Variants in TXN observed in about 807,000 individuals in gnomAD.
TXN encodes the protein ADF.
In TXN, 10 loss-of-function variants were observed where a neutral mutation model predicts 16.5. The observed-to-expected ratio is 0.61, with a 90% confidence interval of 0.37 to 1.03. The LOEUF (loss-of-function observed/expected upper bound fraction) is 1.03, where lower values mean the gene tolerates loss of function less well. TXN is among the 50% of genes least tolerant of loss of function. TXN has a pLI of 0.01. For synonymous variants in TXN, 35 were observed against 39.4 expected (o/e 0.89, Z 0.42); for missense variants, 71 against 122.5 (o/e 0.58, Z 1.98).
At chr9:110,245,576 A>ATT (rs1415351051) in intron 3 of TXN, among the ~76,000 whole-genome samples, 5 of 107,032 alleles carry the variant, frequency 4.7e-5, no homozygotes, top group South Asian at 3.5e-4. Context: ...CACCTGGCTA[A>ATT]TTTTGTGTGT....
intron 3 of TXN, among the ~76,000 whole-genome samples, chr9:110,247,365 C>T (rs1467959295): frequency 6.6e-6 from 1 of 151,282 alleles, no homozygotes; most frequent in African/African-American, 2.4e-5. Context: ...GATCAGGGTG[C>T]ACCAAGCAGA....
In TXN at chr9:110,256,382, G is replaced by C. The variant is rs1173959378; in HGVS notation, c.24+30C>G. 7 of 1,594,142 alleles carry C rather than the reference G, an allele frequency of 4.4e-6. No individual in the cohort carries two copies. The South Asian group carries it at 5.6e-5, about 13-fold the overall frequency. On this transcript the variant is annotated intron_variant, in intron 1 of 4. Coordinates refer to ENST00000374517, the MANE Select transcript of TXN (RefSeq NM_003329.4). The surrounding 1 kb of genome is among the most constrained non-coding windows in gnomAD (Gnocchi z 4.2). ...AGTTACAGAGGCCGCGCGCGGCGCC[G>C]GCACCCTGGCCTTCCCCGGTAGCGC...
rs200327890 is a variant in TXN at position 110,245,602 on chromosome 9, T to TATACACACACACACAC, written c.190-760_190-759insGTGTGTGTGTGTGTAT. The stretch of plus-strand genomic sequence containing the variant: ...TTTTGTGTGTGTGTGTGTATATATA[T>TATACACACACACACAC]ACACACACACACACACTATATATAT... On this transcript the variant is annotated intron_variant, in intron 3 of 4. Transcript: ENST00000374517. 5.3e-4 allele frequency among the ~76,000 whole-genome samples: 33 copies of TATACACACACACACAC among 62,498 alleles called. 1 individual carries two copies. The highest frequency in any genetic ancestry group is 1.9e-3 in the African/African-American group (33 of 17,814). 41.0% of individuals were successfully genotyped at this position (62,498 alleles called of 152,430 possible).
chr9:110,244,817 T>C lies in TXN; in HGVS notation c.216A>G (p.Lys72=). The change falls in exon 4 of 5, where the codon AAA becomes AAG. Residue 72 remains lysine (K), a synonymous_variant. Coordinates refer to ENST00000374517, the MANE Select transcript of TXN (RefSeq NM_003329.4). ...CQDVASECEV[K]CMPTFQFFKK... is the part of the protein sequence containing the mutation. ...TAAAAAACTGGAATGTTGGCATGCATTTGACTTCACACTCTGAAGCAACAT... is the reference window on the plus strand; with the variant it reads ...TAAAAAACTGGAATGTTGGCATGCACTTGACTTCACACTCTGAAGCAACAT... 6.2e-7 allele frequency: 1 copy of C among 1,612,994 alleles called. No individual in the cohort carries two copies. The highest frequency in any genetic ancestry group is 8.5e-7 in the Non-Finnish European group (1 of 1,179,190).
chr9:110,249,877 A>G (rs1408498297), intron 3 of TXN, among the ~76,000 whole-genome samples: 1 of 152,220 alleles, frequency 6.6e-6, no homozygotes, highest in Non-Finnish European at 1.5e-5. Flanking sequence ...CTAGTGAGCC[A>G]GGACTGGAAG....
chr9:110,255,029 CTGAT>C (rs1028481413), intron 1 of TXN, among the ~76,000 whole-genome samples: 6 of 152,178 alleles, frequency 3.9e-5, no homozygotes, highest in African/African-American at 7.2e-5. Context: ...TAAGAAAAAA[CTGAT>C]TGAGAGGAAG....
chr9:110,245,635 TATATATATATATATATA>T (rs1375408093), intron 3 of TXN, among the ~76,000 whole-genome samples: 5 of 25,784 alleles, frequency 1.9e-4, no homozygotes, highest in African/African-American at 9.1e-4. Flanking sequence ...TATATATATA[TATATATATATATATATA>T]TATTTTTTTT....
chr9:110,252,237 A>AT (rs1837750149), intron 1 of TXN, among the ~76,000 whole-genome samples: 1 of 151,252 alleles, frequency 6.6e-6, no homozygotes, highest in African/African-American at 2.4e-5. Context: ...AAAAAAAAAA[A>AT]AAAAAAAAGC....
At chr9:110,251,515 C>A in intron 1 of TXN, 53 bp from the exon 2 acceptor site, 1 of 868,276 alleles carries the variant, frequency 1.2e-6, no homozygotes, top group Non-Finnish European at 1.6e-6. Flanking sequence ...ATTAAACCTT[C>A]AAAAGAAAGA....
At chr9:110,245,618 C>CACACTATATATATATATATATA (rs1425530609) in intron 3 of TXN, among the ~76,000 whole-genome samples, 1 of 30,890 alleles carries the variant, frequency 3.2e-5, no homozygotes, top group African/African-American at 1.4e-4. Flanking sequence ...CACACACACA[C>CACACTATATATATATATATATA]TATATATATA....
At chr9:110,250,086 C>A (rs150744348) in intron 3 of TXN, among the ~76,000 whole-genome samples, 173 of 152,378 alleles carry the variant, frequency 1.1e-3, no homozygotes, top group African/African-American at 3.8e-3. Context: ...ATGGGTAGTG[C>A]TTAAGGTCAA....
chr9:110,254,648 T>A (rs1587925734), intron 1 of TXN, among the ~76,000 whole-genome samples: 1 of 152,384 alleles, frequency 6.6e-6, no homozygotes, highest in Non-Finnish European at 1.5e-5. Context: ...GTGCTTTTTT[T>A]AAAGTTCCTG....
At chr9:110,250,774 G>C in intron 3 of TXN, 46 bp downstream of exon 3, 1 of 1,397,718 alleles carries the variant, frequency 7.2e-7, no homozygotes, top group East Asian at 2.3e-5. Context: ...AGAGAAAAAG[G>C]CCAATGTGAA....
At chr9:110,252,021 C>G (rs1444427592) in intron 1 of TXN, among the ~76,000 whole-genome samples, 1 of 151,842 alleles carries the variant, frequency 6.6e-6, no homozygotes, top group Non-Finnish European at 1.5e-5. Flanking sequence ...GTCAGGAGTT[C>G]GAGACCAGCC....
intron 3 of TXN, 91 bp from the exon 4 acceptor site, chr9:110,244,934 C>T: frequency 1.0e-6 from 1 of 977,934 alleles, no homozygotes; most frequent in African/African-American, 1.6e-5. Context: ...GAAACTTTTC[C>T]CTGTCATGTA....
At chr9:110,250,039 GCACCCGATCTA>G (rs1310402574) in intron 3 of TXN, among the ~76,000 whole-genome samples, 2 of 109,428 alleles carry the variant, frequency 1.8e-5, no homozygotes, top group African/African-American at 6.9e-5. Context: ...CATGTGCTAA[GCACCCGATCTA>G]CACCCACAAG....
At chr9:110,247,268 A>G (rs1056540887) in intron 3 of TXN, among the ~76,000 whole-genome samples, 1 of 150,868 alleles carries the variant, frequency 6.6e-6, no homozygotes. Flanking sequence ...GGTTGCAGTG[A>G]GCAGAGATGG....
chr9:110,245,390 C>G (rs1414985261), intron 3 of TXN, among the ~76,000 whole-genome samples: 5 of 151,154 alleles, frequency 3.3e-5, no homozygotes, highest in African/African-American at 1.2e-4. Flanking sequence ...AAAGGAATAA[C>G]CCCACACTGG....
chr9:110,245,123 C>T (rs751387915), intron 3 of TXN: 9 of 270,820 alleles, frequency 3.3e-5, no homozygotes, highest in East Asian at 7.2e-5. Flanking sequence ...TCAGATACTC[C>T]AGCGATCCAA....
Sources: gnomAD v4.1 joint callset for allele counts (sites outside exome capture counted in the v4.1 genomes callset) on GRCh38, gnomAD v4.1.1 for gene constraint, Gnocchi (gnomAD v3.1) non-coding constraint, MANE v1.5 for transcripts, NCBI Gene and HGNC (gene_info 2026-07-23, HGNC 2026-07-21) for gene names.